The following CELF2 variants were observed in gnomAD, a reference collection of about 807,000 sequenced individuals.
The protein encoded by CELF2 is CUGBP Elav-like family member 2, also known as CUG triplet repeat RNA-binding protein 2.
In CELF2, 8 loss-of-function variants were observed where a neutral mutation model predicts 62.6. The ratio of observed to expected loss-of-function variants is 0.13; its 90% CI spans 0.07 to 0.23. CELF2 has a LOEUF of 0.23. Among genes scored for constraint, CELF2 ranks in the 10% least tolerant of loss-of-function variants. The probability of loss-of-function intolerance (pLI) is 1.00; values close to 1 mark genes in which losing one functional copy is unlikely to be tolerated. For synonymous variants in CELF2, 258 were observed against 250.0 expected (o/e 1.03, Z -0.30); for missense variants, 333 against 671.0 (o/e 0.50, Z 5.56).
At chr10:11,216,428 T>A (rs1413379855) in intron 2 of CELF2, among the ~76,000 whole-genome samples, 3 of 152,260 alleles carry the variant, frequency 2.0e-5, no homozygotes, top group African/African-American at 7.2e-5. Context: ...TGCATCACTT[T>A]ACTTTTTTTC....
the CELF2 span, among the ~76,000 whole-genome samples, chr10:10,665,716 C>T: frequency 6.6e-6 from 1 of 152,182 alleles, no homozygotes; most frequent in Non-Finnish European, 1.5e-5. Flanking sequence ...TATAATTTTA[C>T]AAGTCACTTA....
chr10:10,746,553 A>G, the CELF2 span, among the ~76,000 whole-genome samples: 1 of 152,232 alleles, frequency 6.6e-6, no homozygotes, highest in Non-Finnish European at 1.5e-5. Flanking sequence ...CCAAGCCTGA[A>G]AATTGAGTTC....
chr10:11,045,880 G>T (rs1028391712), intron 1 of CELF2, among the ~76,000 whole-genome samples: 3 of 152,148 alleles, frequency 2.0e-5, no homozygotes, highest in Non-Finnish European at 4.4e-5. Flanking sequence ...ACTTAATCTG[G>T]CCAGGACACT....
chr10:11,139,978 C>T (rs1167531665), intron 1 of CELF2, among the ~76,000 whole-genome samples: 6 of 152,008 alleles, frequency 3.9e-5, no homozygotes, highest in South Asian at 2.1e-4. Context: ...TTCTCACTTG[C>T]GTTATTTTCC....
chr10:11,235,170 ACAAAG>A (rs2070707996), intron 3 of CELF2, among the ~76,000 whole-genome samples: 1 of 152,172 alleles, frequency 6.6e-6, no homozygotes, highest in Non-Finnish European at 1.5e-5. Context: ...GACAAAAAAA[ACAAAG>A]CAAACATAAA....
chr10:11,088,627 G>A (rs563646159), intron 1 of CELF2, among the ~76,000 whole-genome samples: 5 of 152,322 alleles, frequency 3.3e-5, no homozygotes, highest in East Asian at 3.9e-4. Flanking sequence ...ACATGTCTTA[G>A]GCAGAGGGAG....
chr10:10,571,053 G>A, the CELF2 span, among the ~76,000 whole-genome samples: 2 of 152,058 alleles, frequency 1.3e-5, no homozygotes, highest in African/African-American at 2.4e-5. Context: ...GAAAAGAAAG[G>A]TGACTTGAAA....
At chr10:11,151,197 G>A (rs543113338) in intron 1 of CELF2, among the ~76,000 whole-genome samples, 19 of 152,270 alleles carry the variant, frequency 1.2e-4, no homozygotes, top group East Asian at 9.6e-4. Context: ...CTCCGGTCCC[G>A]TAGTCCAAAT....
intron 12 of CELF2, 87 bp downstream of exon 12, chr10:11,326,066 G>C (rs1310404147): frequency 7.6e-7 from 1 of 1,311,294 alleles, no homozygotes; most frequent in African/African-American, 1.5e-5. Flanking sequence ...GTTTCAGCCA[G>C]GATAGGGCCT....
chr10:10,623,001 G>A, the CELF2 span, among the ~76,000 whole-genome samples: 1 of 146,042 alleles, frequency 6.8e-6, no homozygotes, highest in East Asian at 2.1e-4. Context: ...CAGGAGAATG[G>A]CCTGAACCCG....
chr10:10,729,639 C>T, the CELF2 span, among the ~76,000 whole-genome samples: 12 of 151,964 alleles, frequency 7.9e-5, no homozygotes, highest in Non-Finnish European at 1.8e-4. Flanking sequence ...ATTAGCCAGG[C>T]CTGGTTGTGT....
At chr10:11,225,017 C>T (rs1306594331) in intron 3 of CELF2, among the ~76,000 whole-genome samples, 5 of 152,068 alleles carry the variant, frequency 3.3e-5, no homozygotes, top group South Asian at 2.1e-4. Flanking sequence ...AAAGAAGTTT[C>T]GTCTGTCCCT....
At position 11,217,450 on chromosome 10, in the gene CELF2, A is replaced by G; in HGVS notation, c.297A>G (p.Thr99=). ...SKGCCFVTFY[T]RKAALEAQNA... is the part of the protein sequence containing the mutation. ...GTTGTTGTTTCGTAACATTTTATAC[A>G]AGAAAAGCTGCACTTGAGGCCCAGA... The change falls in exon 3 of 13, where the codon ACA becomes ACG. Residue 99 remains threonine, a synonymous_variant. Coordinates refer to ENST00000633077, the MANE Select transcript of CELF2 (RefSeq NM_001326342.2). This position sits in a 1 kb window ranked among gnomAD's most constrained non-coding sequence, Gnocchi z 5.6. 6.2e-7 allele frequency: 1 copy of G among 1,613,236 alleles called. No individual in the cohort carries two copies. Among genetic ancestry groups the G allele is most frequent in the Non-Finnish European group, 8.5e-7 (1 of 1,179,382 alleles).
At chr10:10,950,325 C>T (rs1165034514) in intron 2 of CELF2, among the ~76,000 whole-genome samples, 2 of 152,046 alleles carry the variant, frequency 1.3e-5, no homozygotes, top group African/African-American at 2.4e-5. Context: ...CTCTCATGTG[C>T]TTCTCTCTGT....
intron 1 of CELF2, among the ~76,000 whole-genome samples, chr10:11,164,384 C>T (rs2066456824): frequency 6.6e-6 from 1 of 152,168 alleles, no homozygotes; most frequent in Non-Finnish European, 1.5e-5. Flanking sequence ...ACTAGAAGTG[C>T]GGGCTGTACA....
At chr10:10,657,271 G>A in the CELF2 span, among the ~76,000 whole-genome samples, 1 of 152,196 alleles carries the variant, frequency 6.6e-6, no homozygotes, top group Non-Finnish European at 1.5e-5. Context: ...AAAAGGGACA[G>A]TGAGAGTAAT....
chr10:10,894,795 T>C (rs1250188685), intron 1 of CELF2, among the ~76,000 whole-genome samples: 1 of 152,218 alleles, frequency 6.6e-6, no homozygotes, highest in Admixed American at 6.5e-5. Flanking sequence ...TTATGGTGAA[T>C]TCACTCTGTT....
chr10:11,084,008 G>T (rs1271048717), intron 1 of CELF2, among the ~76,000 whole-genome samples: 1 of 152,186 alleles, frequency 6.6e-6, no homozygotes. Flanking sequence ...ACTATTGAAG[G>T]GTCACAGCCA....
intron 3 of CELF2, among the ~76,000 whole-genome samples, chr10:11,235,559 A>T (rs2070886658): frequency 6.6e-6 from 1 of 152,240 alleles, no homozygotes; most frequent in Non-Finnish European, 1.5e-5. Context: ...GTAGAAATCA[A>T]AATGAGTGAA....
Sources: gnomAD v4.1 joint callset for allele counts (sites outside exome capture counted in the v4.1 genomes callset) on GRCh38, gnomAD v4.1.1 for gene constraint, Gnocchi (gnomAD v3.1) non-coding constraint, MANE v1.5 for transcripts, NCBI Gene and HGNC (gene_info 2026-07-23, HGNC 2026-07-21) for gene names.